Variants in AMD1 observed in about 807,000 individuals in gnomAD.
The protein encoded by AMD1 is S-adenosylmethionine decarboxylase proenzyme.
In AMD1, 11 loss-of-function variants were observed where a neutral mutation model predicts 40.2. That is an observed-to-expected ratio of 0.27 (90% confidence interval 0.17 to 0.45). The LOEUF is 0.45. Ranked by LOEUF, AMD1 falls within the 20% of genes least tolerant of loss-of-function variation. The pLI, the probability that AMD1 is intolerant of heterozygous loss-of-function variation, is 1.00. For synonymous variants in AMD1, 121 were observed against 130.8 expected (o/e 0.93, Z 0.51); for missense variants, 257 against 410.2 (o/e 0.63, Z 3.23).
At chr6:110,853,361 G>T in the AMD1 span, among the ~76,000 whole-genome samples, 1 of 150,942 alleles carries the variant, frequency 6.6e-6, no homozygotes, top group Admixed American at 6.6e-5. Context: ...AGGCTGGAGT[G>T]CAGTAGCGTG....
At chr6:110,880,745 G>T (rs1176276787) in intron 1 of AMD1, among the ~76,000 whole-genome samples, 1 of 151,950 alleles carries the variant, frequency 6.6e-6, no homozygotes, top group Non-Finnish European at 1.5e-5. Flanking sequence ...GATTTTTGGT[G>T]CACTGTAGCC....
Position 110,894,962 on chromosome 6 carries a change from A to T in AMD1, c.*1346A>T, listed in dbSNP as rs1786226697. 6.6e-6 allele frequency: 1 copy of T among 152,214 alleles called. No individual in the cohort carries two copies. Among genetic ancestry groups the T allele is most frequent in the Non-Finnish European group, 1.5e-5 (1 of 68,038 alleles). 9.4% of individuals were successfully genotyped at this position (152,214 alleles called of 1,614,324 possible). A position where few individuals can be genotyped will look rare whatever the true frequency, so the allele number is the denominator to read the frequency against. On this transcript the variant is annotated 3_prime_UTR_variant, in exon 9 of 9. Transcript: ENST00000368885. ...CATTATAAATAAGTAGAATATGAAT[A>T]AATAGAATAATAAAATTCCAAAATA... is the stretch of plus-strand genomic sequence containing the variant.
chr6:110,818,314 C>T, the AMD1 span, among the ~76,000 whole-genome samples: 1 of 152,016 alleles, frequency 6.6e-6, no homozygotes. Context: ...AGGAAGTGGG[C>T]TCAAAGTTGT....
chr6:110,820,404 T>C, the AMD1 span, among the ~76,000 whole-genome samples: 3 of 151,786 alleles, frequency 2.0e-5, no homozygotes, highest in Admixed American at 6.6e-5. Flanking sequence ...GCCCGCCTAA[T>C]TTTGTATTTT....
chr6:110,864,491 A>G, the AMD1 span: 7 of 153,872 alleles, frequency 4.5e-5, no homozygotes, highest in African/African-American at 1.7e-4. Context: ...AAAGACCAAT[A>G]AATTATAAAT....
At chr6:110,849,628 T>A in the AMD1 span, among the ~76,000 whole-genome samples, 81 of 152,178 alleles carry the variant, frequency 5.3e-4, no homozygotes, top group Non-Finnish European at 5.9e-4. Flanking sequence ...CAATTTTTTT[T>A]AAAAAAACCT....
chr6:110,865,841 C>A, the AMD1 span, among the ~76,000 whole-genome samples: 1 of 152,026 alleles, frequency 6.6e-6, no homozygotes, highest in East Asian at 1.9e-4. Context: ...CGGCTCACTG[C>A]AACCTCTACC....
the AMD1 span, among the ~76,000 whole-genome samples, chr6:110,869,286 G>T: frequency 6.6e-6 from 1 of 150,822 alleles, no homozygotes; most frequent in Non-Finnish European, 1.5e-5. Flanking sequence ...GCCCGCCACC[G>T]CGCCCGGCTA....
chr6:110,863,746 A>G, the AMD1 span: 1 of 223,562 alleles, frequency 4.5e-6, no homozygotes, highest in Non-Finnish European at 8.9e-6. Flanking sequence ...AAGAATTTAT[A>G]AATTACATAT....
At chr6:110,874,589 G>T (rs1203162863), upstream of AMD1, among the ~76,000 whole-genome samples, 1 of 151,434 alleles carries the variant, frequency 6.6e-6, no homozygotes, top group African/African-American at 2.5e-5. Context: ...CTCAGGAGCC[G>T]GCCAGAGCCC....
chr6:110,841,953 C>A, the AMD1 span, among the ~76,000 whole-genome samples: 3 of 152,074 alleles, frequency 2.0e-5, no homozygotes, highest in African/African-American at 7.2e-5. Flanking sequence ...CAGGTGTGCA[C>A]CACCACGCCT....
chr6:110,826,070 G>A, the AMD1 span, among the ~76,000 whole-genome samples: 1 of 151,252 alleles, frequency 6.6e-6, no homozygotes. Context: ...AGGAGGCTGA[G>A]GTAGGAGGAT....
At chr6:110,849,950 G>A in the AMD1 span, among the ~76,000 whole-genome samples, 3 of 151,882 alleles carry the variant, frequency 2.0e-5, no homozygotes, top group South Asian at 6.2e-4. Context: ...TCTTGAGCCT[G>A]GGAGATTGAG....
intron 2 of AMD1, 125 bp from the exon 3 acceptor site, chr6:110,888,732 T>TG (rs1785845697): frequency 2.2e-6 from 2 of 918,780 alleles, no homozygotes; most frequent in Non-Finnish European, 3.2e-6. Context: ...ATGTGTTACT[T>TG]GCTTCCTTGA....
chr6:110,857,791 GTA>G, the AMD1 span, among the ~76,000 whole-genome samples: 2 of 144,260 alleles, frequency 1.4e-5, no homozygotes, highest in Non-Finnish European at 1.5e-5. Flanking sequence ...TATATAGATG[GTA>G]TATATATATA....
chr6:110,858,437 C>G, the AMD1 span: 2 of 952,406 alleles, frequency 2.1e-6, no homozygotes, highest in African/African-American at 1.7e-5. Flanking sequence ...CATGAACAAG[C>G]TACAGCCGGG....
At chr6:110,848,642 T>C in the AMD1 span, 1 of 560,578 alleles carries the variant, frequency 1.8e-6, no homozygotes, top group Non-Finnish European at 2.9e-6. Flanking sequence ...CATTGTTCAG[T>C]ATGAGTTTTG....
chr6:110,894,515 T>TA lies in AMD1; in HGVS notation c.*900dup, dbSNP rs1786202412. 1 of 152,230 alleles carries TA rather than the reference T, an allele frequency of 6.6e-6. No individual in the cohort carries two copies. The highest frequency in any genetic ancestry group is 1.9e-4 in the East Asian group (1 of 5,200). The allele number at this position is 152,230 out of a possible 1,614,324, so 9.4% of individuals were successfully genotyped here. A position where few individuals can be genotyped will look rare whatever the true frequency, so the allele number is the denominator to read the frequency against. On this transcript the variant is annotated 3_prime_UTR_variant, in exon 9 of 9. Coordinates refer to ENST00000368885, the MANE Select transcript of AMD1 (RefSeq NM_001634.6). ...TGTACTGGCTGAACTGTGGAAAACA[T>TA]ACAATTCTGTGTTCCTCAGTAAATG...
chr6:110,842,997 G>A, the AMD1 span, among the ~76,000 whole-genome samples: 2 of 152,174 alleles, frequency 1.3e-5, no homozygotes, highest in South Asian at 2.1e-4. Flanking sequence ...GCCGGGCATG[G>A]TGGTGGGCAC....
Sources: allele counts gnomAD v4.1 joint callset (sites outside exome capture counted in the v4.1 genomes callset), GRCh38; gene constraint gnomAD v4.1.1; transcripts MANE v1.5; gene names NCBI Gene and HGNC (gene_info 2026-07-23, HGNC 2026-07-21).